RXRA: variants seen among roughly 807,000 people sequenced by gnomAD.
The protein encoded by RXRA is retinoid X receptor alpha, also known as retinoic acid receptor RXR-alpha.
In RXRA, 5 loss-of-function variants were observed where a neutral mutation model predicts 44.5. That is an observed-to-expected ratio of 0.11 (90% CI 0.06 to 0.24). The LOEUF (loss-of-function observed/expected upper bound fraction) is 0.24. Ranked by LOEUF, RXRA falls within the 10% of genes least tolerant of loss-of-function variation. The pLI, the probability that RXRA is intolerant of heterozygous loss-of-function variation, is 1.00. For missense variants in RXRA, 412 were observed against 646.5 expected, an observed-to-expected ratio of 0.64 and a Z score of 3.93; for synonymous variants, 291 against 271.4, an observed-to-expected ratio of 1.07 and a Z score of -0.71.
At chr9:134,419,011 T>A (rs1831284064) in intron 5 of RXRA, among the ~76,000 whole-genome samples, 1 of 152,258 alleles carries the variant, frequency 6.6e-6, no homozygotes, top group Non-Finnish European at 1.5e-5. Flanking sequence ...TCCCCGGCTC[T>A]GCTCAGACCT....
intron 7 of RXRA, among the ~76,000 whole-genome samples, chr9:134,431,300 GC>G (rs1831528234): frequency 1.3e-5 from 2 of 152,250 alleles, no homozygotes. Flanking sequence ...ATCCAAGAAC[GC>G]CCCCAGCGTC....
At chr9:134,420,976 G>A (rs1258100834) in intron 5 of RXRA, among the ~76,000 whole-genome samples, 9 of 152,210 alleles carry the variant, frequency 5.9e-5, no homozygotes, top group Admixed American at 3.3e-4. Flanking sequence ...CCACATCCAT[G>A]CCTGATGGAA....
intron 1 of RXRA, among the ~76,000 whole-genome samples, chr9:134,356,788 G>A (rs967386415): frequency 1.3e-5 from 2 of 152,202 alleles, no homozygotes; most frequent in Admixed American, 1.3e-4. Flanking sequence ...GCCTCAAAGT[G>A]TTGGGAAAGG....
At chr9:134,397,650 G>A (rs554401126) in intron 1 of RXRA, among the ~76,000 whole-genome samples, 44 of 152,322 alleles carry the variant, frequency 2.9e-4, no homozygotes, top group Admixed American at 2.2e-3. Flanking sequence ...AGTTCTTCCT[G>A]AGCTCCTCCT....
At position 134,432,968 on chromosome 9, in the gene RXRA, G is replaced by A. The variant is rs190409933; in HGVS notation, c.1135+972G>A. ...TGTGTTTGGAAACTCAGCTCATTGC[G>A]TGATAGGGGCAGGTGGCTGGGGTGT... On this transcript the variant is annotated intron_variant, in intron 8 of 9. Coordinates refer to ENST00000481739, the MANE Select transcript of RXRA (RefSeq NM_002957.6). 9.1e-4 allele frequency among the ~76,000 whole-genome samples: 138 copies of A among 152,278 alleles called. 1 individual carries two copies. Among genetic ancestry groups the A allele is most frequent in the African/African-American group, 3.0e-3 (126 of 41,550 alleles).
intron 6 of RXRA, among the ~76,000 whole-genome samples, chr9:134,427,465 C>G (rs1431387008): frequency 6.6e-6 from 1 of 152,236 alleles, no homozygotes; most frequent in African/African-American, 2.4e-5. Flanking sequence ...GTGGTGCCGT[C>G]TGCATGCTCC....
chr9:134,424,997 C>T (rs911523867), intron 6 of RXRA: 12 of 985,320 alleles, frequency 1.2e-5, no homozygotes, highest in African/African-American at 1.7e-5. Flanking sequence ...AGGTCACTTC[C>T]GCTGGGCGAC....
chr9:134,426,584 G>A lies in RXRA; in HGVS notation c.911-2524G>A, dbSNP rs577889413. On this transcript the variant is annotated intron_variant, in intron 6 of 9. Coordinates refer to ENST00000481739, the MANE Select transcript of RXRA (RefSeq NM_002957.6). The surrounding 1 kb of genome is among the most constrained non-coding windows in gnomAD (Gnocchi z 4.6). ...TATCCCGTGCTGAGGGCCGCACCTC[G>A]GCTCAGCAGCGCCTTCTGACCCCAG... 6.1e-6 allele frequency: 6 copies of A among 985,422 alleles called. No individual in the cohort carries two copies. The East Asian group carries it at 5.7e-4, about 93-fold the overall frequency. 61.0% of individuals were successfully genotyped at this position (985,422 alleles called of 1,614,324 possible).
chr9:134,413,748 G>A (rs1831189581), intron 4 of RXRA, among the ~76,000 whole-genome samples: 1 of 152,180 alleles, frequency 6.6e-6, no homozygotes, highest in Admixed American at 6.5e-5. Flanking sequence ...GAGGGGCTGT[G>A]GCAGGTCGGA....
rs963374166 is a variant in RXRA at position 134,402,093 on chromosome 9, A to G, written c.279+211A>G. On this transcript the variant is annotated intron_variant, in intron 2 of 9. Coordinates refer to ENST00000481739, the MANE Select transcript of RXRA (RefSeq NM_002957.6). ...ACTGCTGAGCCTGGGCCTTTGGATC[A>G]TCAGCCGAGGTGACTTGCAGCTGGT... The G allele has an allele frequency of 5.3e-6, 3 of 561,048 alleles. No homozygotes were observed. In the African/African-American group the frequency reaches 5.7e-5, roughly 11 times the overall value. The allele number at this position is 561,048 out of a possible 1,614,324, so 34.8% of individuals were successfully genotyped here. A position where few individuals can be genotyped will look rare whatever the true frequency, so the allele number is the denominator to read the frequency against.
Position 134,436,378 on chromosome 9 carries a change from A to G in RXRA, c.1242-89A>G, listed in dbSNP as rs373297413. On this transcript the variant is annotated intron_variant, in intron 9 of 9. Transcript: ENST00000481739. Reference sequence around the variant, plus strand: ...AGCCTCAGAGGGGTTGGGGTATCAGACACAGCCCCATCCCCAGGGAGGCCT... The same window carrying G: ...AGCCTCAGAGGGGTTGGGGTATCAGGCACAGCCCCATCCCCAGGGAGGCCT... The G allele has an allele frequency of 1.5e-4, 206 of 1,343,678 alleles. 1 individual carries two copies. In the Middle Eastern group the frequency reaches 2.9e-3, roughly 19 times the overall value. 83.2% of individuals were successfully genotyped at this position (1,343,678 alleles called of 1,614,324 possible).
chr9:134,354,841 C>T (rs782400114), intron 1 of RXRA, among the ~76,000 whole-genome samples: 45 of 152,264 alleles, frequency 3.0e-4, no homozygotes, highest in Non-Finnish European at 6.0e-4. Context: ...TGCCTCTCCC[C>T]GTCCCATAGG....
chr9:134,336,498 G>A (rs1374604862), intron 1 of RXRA, among the ~76,000 whole-genome samples: 2 of 152,156 alleles, frequency 1.3e-5, no homozygotes, highest in African/African-American at 2.4e-5. Context: ...AAAATAGAAG[G>A]AAGGATGCCA....
intron 1 of RXRA, among the ~76,000 whole-genome samples, chr9:134,380,692 A>T (rs1414204937): frequency 6.6e-6 from 1 of 151,962 alleles, no homozygotes; most frequent in Non-Finnish European, 1.5e-5. Context: ...GGCTTGTCCC[A>T]GCTCCTGGGC....
rs990898269 is a variant in RXRA at position 134,438,537 on chromosome 9, CAG to C, written c.*1926_*1927del. 2.1e-4 allele frequency: 32 copies of C among 152,604 alleles called. No individual in the cohort carries two copies. Among genetic ancestry groups the C allele is most frequent in the African/African-American group, 7.5e-4 (31 of 41,586 alleles). 9.5% of individuals were successfully genotyped at this position (152,604 alleles called of 1,614,324 possible). A position where few individuals can be genotyped will look rare whatever the true frequency, so the allele number is the denominator to read the frequency against. ...CCCTGCCCGATCCACCGTCCTGAGG[CAG>C]AGTGTTGAGCCTCATACCTGTACCA... On this transcript the variant is annotated 3_prime_UTR_variant, in exon 10 of 10. Transcript: ENST00000481739.
rs148844109 is a variant in RXRA, at chr9:134,422,364, C to T, written c.910+559C>T. ...ACCCCCTCCCGGGACACACTCCCCG[C>T]TACCGGGACACTCCCCCCTCCCGGG... On this transcript the variant is annotated intron_variant, in intron 6 of 9. Transcript: ENST00000481739. 1.8e-3 allele frequency: 2,291 copies of T among 1,275,430 alleles called. 12 individuals are homozygous for T. The highest frequency in any genetic ancestry group is 0.016 in the African/African-American group (1,049 of 64,642). The allele number at this position is 1,275,430 out of a possible 1,614,324, so 79.0% of individuals were successfully genotyped here.
At chr9:134,379,525 G>A (rs1830608565) in intron 1 of RXRA, 1 of 985,994 alleles carries the variant, frequency 1.0e-6, no homozygotes, top group South Asian at 4.7e-5. Flanking sequence ...GGCACTGCCA[G>A]TGGCCGTGGC....
chr9:134,408,337 G>T (rs1229838500), intron 3 of RXRA, 38 bp downstream of exon 3: 2 of 1,570,560 alleles, frequency 1.3e-6, no homozygotes, highest in African/African-American at 2.7e-5. Context: ...GGTGGGACAG[G>T]GTTGTCAGGC....
intron 1 of RXRA, among the ~76,000 whole-genome samples, chr9:134,339,899 G>A (rs1830065696): frequency 6.6e-6 from 1 of 151,998 alleles, no homozygotes; most frequent in Admixed American, 6.6e-5. Flanking sequence ...GTGAGCCTGT[G>A]TGTGTCTGTG....
Sources: allele counts gnomAD v4.1 joint callset (sites outside exome capture counted in the v4.1 genomes callset), GRCh38; gene constraint gnomAD v4.1.1; non-coding constraint Gnocchi (gnomAD v3.1); transcripts MANE v1.5; gene names NCBI Gene and HGNC (gene_info 2026-07-23, HGNC 2026-07-21).